The following FCRL5 variants were observed in gnomAD, a reference collection of about 807,000 sequenced individuals.
The protein encoded by FCRL5 is Fc receptor like 5.
In FCRL5, 79 loss-of-function variants were observed where a neutral mutation model predicts 92.1. The ratio of observed to expected loss-of-function variants is 0.86; its 90% CI spans 0.72 to 1.03. FCRL5 has a LOEUF of 1.03. FCRL5 is among the 50% of genes least tolerant of loss of function. The pLI, the probability that FCRL5 is intolerant of heterozygous loss-of-function variation, is 0.00. For synonymous variants in FCRL5, 466 were observed against 469.3 expected, an observed-to-expected ratio of 0.99 and a Z score of 0.09; for missense variants, 1,160 against 1,181.1, an observed-to-expected ratio of 0.98 and a Z score of 0.26.
chr1:157,523,067 T>C (rs1209813507), intron 10 of FCRL5, among the ~76,000 whole-genome samples: 1 of 152,096 alleles, frequency 6.6e-6, no homozygotes, highest in Non-Finnish European at 1.5e-5. Flanking sequence ...TGGATAACAA[T>C]GAGATGGTTG....
intron 8 of FCRL5, chr1:157,528,142 C>T: frequency 2.9e-6 from 1 of 349,476 alleles, no homozygotes; most frequent in East Asian, 4.6e-5. Context: ...AATCAATGTA[C>T]ACAAATCAGT....
intron 1 of FCRL5, 109 bp downstream of exon 1, chr1:157,552,223 G>C: frequency 1.8e-6 from 2 of 1,084,978 alleles, no homozygotes; most frequent in African/African-American, 3.1e-5. Flanking sequence ...TCCTAATGTA[G>C]GAGAGAGTCT....
In FCRL5 at chr1:157,546,812, T is replaced by C. The variant is rs531856367; in HGVS notation, c.307+131A>G. On this transcript the variant is annotated intron_variant, in intron 3 of 16. Coordinates refer to ENST00000361835, the MANE Select transcript of FCRL5 (RefSeq NM_031281.3). Reference sequence around the variant, plus strand: ...GTTGTATTCTGAGCTTTTTACTCTCTCCTTGTCTTACCACAGTGTGAAATA... The same window carrying C: ...GTTGTATTCTGAGCTTTTTACTCTCCCCTTGTCTTACCACAGTGTGAAATA... The C allele has an allele frequency of 4.1e-5, 47 of 1,156,546 alleles. 2 individuals are homozygous for C. The South Asian group carries it at 6.9e-4, about 17-fold the overall frequency. 71.6% of individuals were successfully genotyped at this position (1,156,546 alleles called of 1,614,324 possible). A position where few individuals can be genotyped will look rare whatever the true frequency, so the allele number is the denominator to read the frequency against.
At position 157,518,477 on chromosome 1, in the gene FCRL5, C is replaced by T; in HGVS notation, c.2764G>A (p.Val922Met). ...ATGATCCGTACTTCTGAGTAAACCA[C>T]ATTTTCTCCTCTAGGATTTGCTTAG... The part of the protein sequence containing the change: ...YTNANPRGEN[V>M]VYSEVRIIQE... Residue 922 changes from valine to methionine, a missense_variant, in exon 15 of 17, where the codon GTG (valine) becomes ATG (methionine). Coordinates refer to ENST00000361835, the MANE Select transcript of FCRL5 (RefSeq NM_031281.3). The T allele has an allele frequency of 6.2e-7, 1 of 1,614,186 alleles. No individual in the cohort carries two copies. Among genetic ancestry groups the T allele is most frequent in the Non-Finnish European group, 8.5e-7 (1 of 1,179,998 alleles).
intron 3 of FCRL5, among the ~76,000 whole-genome samples, chr1:157,545,786 C>G (rs1301609913): frequency 6.6e-6 from 1 of 152,156 alleles, no homozygotes; most frequent in Admixed American, 6.5e-5. Flanking sequence ...CCTTGGCCTT[C>G]CAAAGTGCTG....
At chr1:157,535,943 G>GTTTTTTTTTTTTTTTTTTTTTTTT (rs60191062) in intron 7 of FCRL5, among the ~76,000 whole-genome samples, 1 of 90,008 alleles carries the variant, frequency 1.1e-5, no homozygotes, top group African/African-American at 3.8e-5. Flanking sequence ...ATGTGACTCA[G>GTTTTTTTTTTTTTTTTTTTTTTTT]TTTTTTTTTT....
chr1:157,550,914 T>C (rs1651781437), intron 1 of FCRL5, among the ~76,000 whole-genome samples: 1 of 152,168 alleles, frequency 6.6e-6, no homozygotes, highest in African/African-American at 2.4e-5. Flanking sequence ...AGCAAGGCAA[T>C]AGAAATCCAG....
chr1:157,546,369 A>G (rs549330800), intron 3 of FCRL5: 1 of 359,044 alleles, frequency 2.8e-6, no homozygotes, highest in African/African-American at 2.1e-5. Context: ...AATTGCTTGA[A>G]CCCGGGAGAC....
In FCRL5 at chr1:157,515,438, A is replaced by T. The variant is rs1422762265; in HGVS notation, c.*237T>A. On this transcript the variant is annotated 3_prime_UTR_variant, in exon 17 of 17. Transcript: ENST00000361835. ...ATCCAGGAGATGTGCTGGGCCCTGGAGTGGGAGCACCTTGCCACTGGATTA... is the reference window on the plus strand; with the variant it reads ...ATCCAGGAGATGTGCTGGGCCCTGGTGTGGGAGCACCTTGCCACTGGATTA... The T allele has an allele frequency of 1.7e-5, 12 of 687,606 alleles. No homozygotes were observed. Among genetic ancestry groups the T allele is most frequent in the Admixed American group, 5.8e-5 (2 of 34,378 alleles). The allele number at this position is 687,606 out of a possible 1,614,324, so 42.6% of individuals were successfully genotyped here.
chr1:157,515,986 G>A (rs1017512684), intron 15 of FCRL5, 113 bp from the exon 16 acceptor site: 15 of 1,150,266 alleles, frequency 1.3e-5, no homozygotes, highest in South Asian at 3.9e-5. Flanking sequence ...CCCTCTGTGC[G>A]GTGAGTAGCC....
At chr1:157,520,961 G>A in intron 11 of FCRL5, 56 bp downstream of exon 11, 1 of 1,543,956 alleles carries the variant, frequency 6.5e-7, no homozygotes, top group Non-Finnish European at 8.7e-7. Context: ...GGTTATCAGA[G>A]GGTCCGCGGA....
Position 157,521,132 on chromosome 1 carries a change from A to G in FCRL5, c.2400T>C (p.Ser800=), listed in dbSNP as rs762905791. 2 of 1,614,068 alleles carry G rather than the reference A, an allele frequency of 1.2e-6. No homozygotes were observed. Among genetic ancestry groups the G allele is most frequent in the Non-Finnish European group, 1.7e-6 (2 of 1,180,040 alleles). Residue 800 remains serine (S), a synonymous_variant, in exon 11 of 17, where the codon TCT becomes TCC. Coordinates refer to ENST00000361835, the MANE Select transcript of FCRL5 (RefSeq NM_031281.3). ...GAGAGAGGTTTAAGGACGCTCCTCC[A>G]GAGGGGGACGACCTATTTCCTAGGG... is the stretch of plus-strand genomic sequence containing the variant. The part of the protein sequence containing the change: ...DVTLGNRSSP[S]GGASLNLSLT...
rs1650317840 is a variant in FCRL5, at chr1:157,524,142, G to A, written c.2239+137C>T. The A allele has an allele frequency of 4.1e-5, 34 of 821,998 alleles. No individual in the cohort carries two copies. The South Asian group carries it at 5.6e-4, about 13-fold the overall frequency. The allele number at this position is 821,998 out of a possible 1,614,324, so 50.9% of individuals were successfully genotyped here. On this transcript the variant is annotated intron_variant, in intron 10 of 16. Transcript: ENST00000361835. Reference sequence around the variant, plus strand: ...AAGGATCCGAGACTTTCACAGGGAGGTTCTGCAGGCAGGAAGTGTGCTGGG... The same window carrying A: ...AAGGATCCGAGACTTTCACAGGGAGATTCTGCAGGCAGGAAGTGTGCTGGG...
At chr1:157,535,697 T>C (rs1356956758) in intron 7 of FCRL5, among the ~76,000 whole-genome samples, 1 of 152,212 alleles carries the variant, frequency 6.6e-6, no homozygotes, top group Non-Finnish European at 1.5e-5. Flanking sequence ...CTGGTGTGTG[T>C]ATATTTGTCA....
At chr1:157,540,463 G>T (rs1030244814) in intron 6 of FCRL5, among the ~76,000 whole-genome samples, 6 of 151,732 alleles carry the variant, frequency 4.0e-5, no homozygotes, top group African/African-American at 1.5e-4. Context: ...CTAGATAAAA[G>T]GTTTTTACCT....
chr1:157,552,488 G>A lies in FCRL5; in HGVS notation c.-126C>T, dbSNP rs895980126. The A allele has an allele frequency of 2.0e-6, 2 of 984,930 alleles. No individual in the cohort carries two copies. The highest frequency in any genetic ancestry group is 1.4e-5 in the South Asian group (1 of 73,242). 61.0% of individuals were successfully genotyped at this position (984,930 alleles called of 1,614,324 possible). ...CCAAGGAGCACATCTGAGAAGCTGTGCTCTCAAAAAGAGCAGAATGCATTA... is the reference window on the plus strand; with the variant it reads ...CCAAGGAGCACATCTGAGAAGCTGTACTCTCAAAAAGAGCAGAATGCATTA... On this transcript the variant is annotated 5_prime_UTR_variant, in exon 1 of 17. Transcript: ENST00000361835.
chr1:157,521,491 A>G (rs925501143), intron 10 of FCRL5, 199 bp from the exon 11 acceptor site: 38 of 567,478 alleles, frequency 6.7e-5, no homozygotes, highest in South Asian at 4.9e-4. Context: ...TAAAAAGTGT[A>G]TAAATCACTG....
At position 157,514,075 on chromosome 1, in the gene FCRL5, C is replaced by T. The variant is rs3811037; in HGVS notation, c.*1600G>A. 93,378 of 152,102 alleles carry T rather than the reference C, an allele frequency of 0.61. 30,173 individuals are homozygous for T. Among genetic ancestry groups the T allele is most frequent in the East Asian group, 0.81 (4,171 of 5,158 alleles). The allele number at this position is 152,102 out of a possible 1,614,324, so 9.4% of individuals were successfully genotyped here. A position where few individuals can be genotyped will look rare whatever the true frequency, so the allele number is the denominator to read the frequency against. On this transcript the variant is annotated 3_prime_UTR_variant, in exon 17 of 17. Coordinates refer to ENST00000361835, the MANE Select transcript of FCRL5 (RefSeq NM_031281.3). ...TCCTTGAAAGGTTGGGGCAGCAGAG[C>T]CAGCCCTGTCTATCTGGGCAAGGCC... is the stretch of plus-strand genomic sequence containing the variant.
intron 3 of FCRL5, 69 bp downstream of exon 3, chr1:157,546,874 A>G (rs1162879288): frequency 1.3e-6 from 2 of 1,554,772 alleles, no homozygotes; most frequent in Non-Finnish European, 1.7e-6. Context: ...GGTAAACAGT[A>G]ATAACAGCTA....
Sources: gnomAD v4.1 joint callset for allele counts (sites outside exome capture counted in the v4.1 genomes callset) on GRCh38, gnomAD v4.1.1 for gene constraint, MANE v1.5 for transcripts, NCBI Gene and HGNC (gene_info 2026-07-23, HGNC 2026-07-21) for gene names.